Variants in MMAA observed in about 807,000 individuals in gnomAD.
MMAA encodes the protein metabolism of cobalamin associated A.
In MMAA, 41 loss-of-function variants were observed where a neutral mutation model predicts 45.0. The ratio of observed to expected loss-of-function variants is 0.91; its 90% CI spans 0.71 to 1.18. The LOEUF (loss-of-function observed/expected upper bound fraction) is 1.18, where lower values mean the gene tolerates loss of function less well. Among genes scored for constraint, MMAA ranks in the 50% most tolerant of loss-of-function variants. The pLI is 0.00. For synonymous variants in MMAA, 154 were observed against 178.2 expected, an observed-to-expected ratio of 0.86 and a Z score of 1.08; for missense variants, 460 against 495.7, an observed-to-expected ratio of 0.93 and a Z score of 0.68.
At chr4:145,641,707 C>A (rs1241938262) in intron 2 of MMAA, among the ~76,000 whole-genome samples, 1 of 152,124 alleles carries the variant, frequency 6.6e-6, no homozygotes, top group East Asian at 1.9e-4. Context: ...GTAATTTACC[C>A]AAGATCACAT....
chr4:145,635,795 C>T (rs1339343171), intron 1 of MMAA, among the ~76,000 whole-genome samples: 1 of 152,248 alleles, frequency 6.6e-6, no homozygotes, highest in Non-Finnish European at 1.5e-5. Flanking sequence ...GGCTCCTCCT[C>T]ATGCCACCAG....
At chr4:145,651,232 A>G (rs1326544527) in intron 5 of MMAA, 85 bp downstream of exon 5, 1 of 1,125,720 alleles carries the variant, frequency 8.9e-7, no homozygotes, top group Admixed American at 1.8e-5. Flanking sequence ...TTTGTAAACT[A>G]AGTTGATAAT....
chr4:145,622,863 T>G (rs1408483562), intron 1 of MMAA, among the ~76,000 whole-genome samples: 1 of 152,132 alleles, frequency 6.6e-6, no homozygotes. Context: ...AATACAAAGC[T>G]CTTTCAGCTG....
chr4:145,645,211 A>G (rs928594226), intron 3 of MMAA, among the ~76,000 whole-genome samples: 1 of 152,082 alleles, frequency 6.6e-6, no homozygotes, highest in African/African-American at 2.4e-5. Flanking sequence ...GCTCATGGAG[A>G]TAATAGAAAG....
At chr4:145,625,072 C>T (rs1277704678) in intron 1 of MMAA, 2 of 933,908 alleles carry the variant, frequency 2.1e-6, no homozygotes, top group East Asian at 4.8e-5. Flanking sequence ...CATTCTCGGG[C>T]TTCCCCAGCT....
intron 5 of MMAA, among the ~76,000 whole-genome samples, chr4:145,653,437 A>G (rs948906595): frequency 5.3e-5 from 8 of 152,190 alleles, no homozygotes; most frequent in African/African-American, 1.7e-4. Context: ...AGGTTTGTCC[A>G]CGCAAAGCTG....
intron 1 of MMAA, among the ~76,000 whole-genome samples, chr4:145,632,842 C>G (rs1298045266): frequency 6.6e-6 from 1 of 151,900 alleles, no homozygotes; most frequent in Non-Finnish European, 1.5e-5. Flanking sequence ...GCTGCAGCCC[C>G]TACCTCCCAA....
At chr4:145,619,436 A>G (rs560047209) in intron 1 of MMAA, 29 bp downstream of exon 1, 1 of 152,362 alleles carries the variant, frequency 6.6e-6, no homozygotes, top group Admixed American at 6.5e-5. Flanking sequence ...CGCGGCGTCC[A>G]GGAGTCGGGA....
intron 2 of MMAA, among the ~76,000 whole-genome samples, chr4:145,641,301 A>G (rs180942615): frequency 1.3e-5 from 2 of 152,368 alleles, no homozygotes; most frequent in East Asian, 3.9e-4. Flanking sequence ...CAGTTCACAG[A>G]TAACTTTGTA....
intron 1 of MMAA, among the ~76,000 whole-genome samples, chr4:145,636,814 T>C (rs1396640350): frequency 6.6e-6 from 1 of 152,216 alleles, no homozygotes; most frequent in Non-Finnish European, 1.5e-5. Flanking sequence ...GCTCTTGAAG[T>C]GCTAGGATTA....
In MMAA at chr4:145,639,225, A is replaced by G. The variant is rs367809749; in HGVS notation, c.86A>G (p.His29Arg). ...TTCCGATGTTACCACTTCATCTTTC[A>G]CTCAAGTACTCATCTCGGATCAGGA... ...APFRCYHFIFHSSTHLGSGIP... is the reference protein window; with the variant it reads ...APFRCYHFIFRSSTHLGSGIP... The change falls in exon 2 of 7, where the codon CAC becomes CGC. Residue 29 changes from histidine to arginine, a missense_variant. Coordinates refer to ENST00000649156, the MANE Select transcript of MMAA (RefSeq NM_172250.3). 2 of 1,613,876 alleles carry G rather than the reference A, an allele frequency of 1.2e-6. No individual in the cohort carries two copies. Among genetic ancestry groups the G allele is most frequent in the African/African-American group, 1.3e-5 (1 of 74,862 alleles).
At chr4:145,620,713 C>G (rs1232755234) in intron 1 of MMAA, among the ~76,000 whole-genome samples, 2 of 151,956 alleles carry the variant, frequency 1.3e-5, no homozygotes, top group South Asian at 2.1e-4. Flanking sequence ...TCTTTGTATT[C>G]AGAAATAATT....
At chr4:145,653,099 T>C (rs887974136) in intron 5 of MMAA, among the ~76,000 whole-genome samples, 2 of 152,150 alleles carry the variant, frequency 1.3e-5, no homozygotes, top group African/African-American at 2.4e-5. Context: ...TCTTGAACTC[T>C]TGACCTCAGG....
chr4:145,659,203 G>A lies in MMAA; in HGVS notation c.*3769G>A, dbSNP rs1187789583. The A allele has an allele frequency of 1.3e-5, 2 of 151,940 alleles. No homozygotes were observed. The highest frequency in any genetic ancestry group is 3.9e-4 in the East Asian group (2 of 5,190). The allele number at this position is 151,940 out of a possible 1,614,324, so 9.4% of individuals were successfully genotyped here. ...TTTAAAATTTACTAAATTTATGAAC[G>A]TTTTTATCCCACTTGAGATGAATAC... On this transcript the variant is annotated 3_prime_UTR_variant, in exon 7 of 7. Transcript: ENST00000649156.
In MMAA at chr4:145,648,023, A is replaced by AT. The variant is rs771723312; in HGVS notation, c.733+1884dup. Among the ~76,000 whole-genome samples, 689 of 130,852 alleles carry AT rather than the reference A, an allele frequency of 5.3e-3. 3 individuals carry two copies. Among genetic ancestry groups the AT allele is most frequent in the Middle Eastern group, 0.018 (4 of 226 alleles). 85.8% of individuals were successfully genotyped at this position (130,852 alleles called of 152,430 possible). A position where few individuals can be genotyped will look rare whatever the true frequency, so the allele number is the denominator to read the frequency against. ...AGGCGCCTGCCACCATGCCCAGCTA[A>AT]TTTTTTTTTTTTTTTTTAGTAGAGA... On this transcript the variant is annotated intron_variant, in intron 4 of 6. Coordinates refer to ENST00000649156, the MANE Select transcript of MMAA (RefSeq NM_172250.3).
At position 145,625,451 on chromosome 4, in the gene MMAA, A is replaced by G. The variant is rs1239812871; in HGVS notation, c.-66+6044A>G. 5.6e-6 allele frequency: 4 copies of G among 711,430 alleles called. No individual in the cohort carries two copies. In the East Asian group the frequency reaches 1.2e-4, roughly 21 times the overall value. The allele number at this position is 711,430 out of a possible 1,614,324, so 44.1% of individuals were successfully genotyped here. On this transcript the variant is annotated intron_variant, in intron 1 of 6. Transcript: ENST00000649156. ...CCATTTGCTGAGAGGGATAGCTGCA[A>G]TACTGGATGCTGACTTCTGCTCTGG...
rs183171928 is a variant in MMAA at position 145,625,976 on chromosome 4, A to G, written c.-66+6569A>G. The G allele has an allele frequency of 1.3e-4, 193 of 1,530,352 alleles. 3 individuals carry two copies. The Admixed American group carries it at 3.2e-3, about 25-fold the overall frequency. 94.8% of individuals were successfully genotyped at this position (1,530,352 alleles called of 1,614,324 possible). ...GCTCCAAGTCCCTCCGTGCATCACTACCCCTCAAAAGGGGTTCTCTATTAC... is the reference window on the plus strand; with the variant it reads ...GCTCCAAGTCCCTCCGTGCATCACTGCCCCTCAAAAGGGGTTCTCTATTAC... On this transcript the variant is annotated intron_variant, in intron 1 of 6. Transcript: ENST00000649156.
At chr4:145,624,182 A>G in intron 1 of MMAA, 1 of 891,326 alleles carries the variant, frequency 1.1e-6, no homozygotes, top group Non-Finnish European at 1.9e-6. Flanking sequence ...GGAGTTTGAT[A>G]TAACCACTTC....
intron 4 of MMAA, 99 bp downstream of exon 4, chr4:145,646,255 A>G: frequency 1.5e-6 from 2 of 1,340,674 alleles, no homozygotes; most frequent in Non-Finnish European, 2.1e-6. Context: ...GATATTTGCT[A>G]AATGTATAAT....
Sources: gnomAD v4.1 joint callset for allele counts (sites outside exome capture counted in the v4.1 genomes callset) on GRCh38, gnomAD v4.1.1 for gene constraint, MANE v1.5 for transcripts, NCBI Gene and HGNC (gene_info 2026-07-23, HGNC 2026-07-21) for gene names.